SPATA17: variants seen among roughly 807,000 people sequenced by gnomAD.
SPATA17 encodes the protein spermatogenesis-associated protein 17.
Under a neutral mutation model 62.2 loss-of-function variants are expected in SPATA17, and 53 were observed. The observed-to-expected ratio is 0.85, with a 90% confidence interval of 0.68 to 1.07. The LOEUF (loss-of-function observed/expected upper bound fraction) is 1.07, where lower values mean the gene tolerates loss of function less well. Ranked by LOEUF, SPATA17 falls within the 50% of genes least tolerant of loss-of-function variation. The pLI is 0.00. For synonymous variants in SPATA17, 146 were observed against 146.8 expected (o/e 0.99, Z 0.04); for missense variants, 466 against 425.5 (o/e 1.10, Z -0.84).
intron 3 of SPATA17, among the ~76,000 whole-genome samples, chr1:217,665,771 T>TA (rs1339058633): frequency 6.6e-6 from 1 of 152,190 alleles, no homozygotes; most frequent in Non-Finnish European, 1.5e-5. Context: ...GAGCCCTGTC[T>TA]AAAAGATCCA....
chr1:217,683,689 C>T (rs1221079694), intron 5 of SPATA17, among the ~76,000 whole-genome samples: 4 of 152,112 alleles, frequency 2.6e-5, no homozygotes, highest in African/African-American at 9.7e-5. Context: ...ATCTGCCCGC[C>T]TCGGCCTCCC....
chr1:217,668,125 C>T lies in SPATA17; in HGVS notation c.241-908C>T, dbSNP rs188874661. ...TGAAACATAACAATTATTACCTGGG[C>T]TCAAGTTATAGTGAATAAATTTTGG... is the stretch of plus-strand genomic sequence containing the variant. On this transcript the variant is annotated intron_variant, in intron 3 of 10. Transcript: ENST00000366933. Among the ~76,000 whole-genome samples, 7 of 152,182 alleles carry T rather than the reference C, an allele frequency of 4.6e-5. No individual in the cohort carries two copies. The East Asian group carries it at 1.2e-3, about 25-fold the overall frequency.
chr1:217,828,501 T>TTTTTTTTTTTTTTGAGACGGGAGTCTC (rs1553254693), intron 9 of SPATA17, among the ~76,000 whole-genome samples: 1 of 137,338 alleles, frequency 7.3e-6, no homozygotes, highest in Non-Finnish European at 1.6e-5. Context: ...AGAACTTCTT[T>TTTTTTTTTTTTTTGAGACGGGAGTCTC]GATATTGACA....
intron 5 of SPATA17, among the ~76,000 whole-genome samples, chr1:217,704,302 C>T (rs1424631318): frequency 7.8e-6 from 1 of 127,462 alleles, no homozygotes; most frequent in African/African-American, 2.9e-5. Flanking sequence ...GGACTGCGGA[C>T]TGCAGTGGCG....
intron 1 of SPATA17, among the ~76,000 whole-genome samples, chr1:217,647,353 T>C (rs1930302): frequency 0.13 from 19,993 of 152,184 alleles, 1,439 homozygotes; most frequent in Non-Finnish European, 0.17. Flanking sequence ...GAGTGGCATT[T>C]CTCACCGGGA....
intron 4 of SPATA17, among the ~76,000 whole-genome samples, chr1:217,671,611 T>G (rs1379889080): frequency 2.0e-5 from 3 of 152,134 alleles, no homozygotes; most frequent in African/African-American, 7.2e-5. Flanking sequence ...TCCTTCTGTC[T>G]TCTCCCCTCC....
chr1:217,802,335 A>G (rs188575134), intron 9 of SPATA17, among the ~76,000 whole-genome samples: 3 of 152,320 alleles, frequency 2.0e-5, no homozygotes, highest in East Asian at 3.9e-4. Flanking sequence ...TGAGTGTCAT[A>G]TGCACTTTCA....
intron 5 of SPATA17, among the ~76,000 whole-genome samples, chr1:217,702,601 G>A (rs1671624626): frequency 6.6e-6 from 1 of 152,034 alleles, no homozygotes; most frequent in Non-Finnish European, 1.5e-5. Context: ...AGCATTTTTA[G>A]AATAGTTAAG....
chr1:217,740,877 G>A (rs947672750), intron 5 of SPATA17, among the ~76,000 whole-genome samples: 3 of 152,068 alleles, frequency 2.0e-5, no homozygotes, highest in Admixed American at 6.6e-5. Flanking sequence ...TTAATCTTAC[G>A]TTGAAAAAAA....
intron 4 of SPATA17, among the ~76,000 whole-genome samples, chr1:217,678,005 C>T (rs939785553): frequency 6.6e-6 from 1 of 151,952 alleles, no homozygotes; most frequent in Non-Finnish European, 1.5e-5. Context: ...TTTTTACATT[C>T]CTAATCTTTG....
intron 5 of SPATA17, among the ~76,000 whole-genome samples, chr1:217,709,484 G>A (rs1671809444): frequency 1.3e-5 from 2 of 152,124 alleles, no homozygotes; most frequent in Non-Finnish European, 2.9e-5. Flanking sequence ...CCATCAGGCA[G>A]CTTACAACAT....
At chr1:217,773,881 G>A (rs764425182) in intron 6 of SPATA17, among the ~76,000 whole-genome samples, 22 of 152,204 alleles carry the variant, frequency 1.4e-4, no homozygotes, top group Non-Finnish European at 2.9e-4. Context: ...AAAATAATCA[G>A]TCAAATATTT....
intron 3 of SPATA17, among the ~76,000 whole-genome samples, chr1:217,668,269 G>A (rs114731594): frequency 6.6e-6 from 1 of 152,182 alleles, no homozygotes; most frequent in African/African-American, 2.4e-5. Flanking sequence ...AAGAGCAGAT[G>A]GGGAAGCTTA....
intron 9 of SPATA17, among the ~76,000 whole-genome samples, chr1:217,820,826 A>G (rs186725474): frequency 5.7e-4 from 86 of 152,036 alleles, no homozygotes; most frequent in Non-Finnish European, 9.4e-4. Context: ...TTTTGTTGCT[A>G]TCTACAGGAA....
rs1673635853 is a variant in SPATA17 at position 217,778,045 on chromosome 1, T to C, written c.723+3508T>C. 2.0e-5 allele frequency among the ~76,000 whole-genome samples: 3 copies of C among 152,144 alleles called. No homozygotes were observed. In the South Asian group the frequency reaches 6.2e-4, roughly 31 times the overall value. ...GTGTAAGTAATCATCACATTGCATA[T>C]ATAACATATAACTTTGCATCAACAA... On this transcript the variant is annotated intron_variant, in intron 7 of 10. Transcript: ENST00000366933.
chr1:217,661,887 C>A (rs61574965), intron 3 of SPATA17, among the ~76,000 whole-genome samples: 1,717 of 152,242 alleles, frequency 0.011, 23 homozygotes, highest in African/African-American at 0.033. Context: ...AATAGTCCTA[C>A]TATTTGGGGA....
At chr1:217,730,537 G>A (rs988750292) in intron 5 of SPATA17, among the ~76,000 whole-genome samples, 8 of 151,726 alleles carry the variant, frequency 5.3e-5, no homozygotes, top group Admixed American at 1.3e-4. Flanking sequence ...TTGTTTGTTT[G>A]TTTGTTTTCA....
At chr1:217,747,416 C>G (rs1672787540) in intron 6 of SPATA17, among the ~76,000 whole-genome samples, 1 of 151,870 alleles carries the variant, frequency 6.6e-6, no homozygotes, top group South Asian at 2.1e-4. Flanking sequence ...TTAAAAGATG[C>G]CTGTAAAATA....
chr1:217,688,016 G>A (rs116018100), intron 5 of SPATA17, among the ~76,000 whole-genome samples: 6,750 of 152,046 alleles, frequency 0.044, 232 homozygotes, highest in Middle Eastern at 0.1. Context: ...TAGAATCATG[G>A]CCCTTCTGTG....
Sources: allele counts gnomAD v4.1 joint callset (sites outside exome capture counted in the v4.1 genomes callset), GRCh38; gene constraint gnomAD v4.1.1; transcripts MANE v1.5; gene names NCBI Gene and HGNC (gene_info 2026-07-23, HGNC 2026-07-21).